ZNF804B: variants seen among roughly 807,000 people sequenced by gnomAD.
The protein encoded by ZNF804B is zinc finger 804B.
ZNF804B carries 80 observed loss-of-function variants against 101.4 expected under a neutral mutation model. The ratio of observed to expected loss-of-function variants is 0.79; its 90% CI spans 0.66 to 0.95. ZNF804B has a LOEUF of 0.95. Among genes scored for constraint, ZNF804B ranks in the 40% least tolerant of loss-of-function variants. The probability of loss-of-function intolerance (pLI) is 0.00; values close to 1 mark genes in which losing one functional copy is unlikely to be tolerated. For missense variants in ZNF804B, 1,673 were observed against 1,561.9 expected (o/e 1.07, Z -1.20); for synonymous variants, 622 against 558.8 (o/e 1.11, Z -1.59).
intron 1 of ZNF804B, among the ~76,000 whole-genome samples, chr7:88,943,859 G>T (rs1379171562): frequency 6.6e-6 from 1 of 151,718 alleles, no homozygotes; most frequent in Non-Finnish European, 1.5e-5. Context: ...AAAATTTAAA[G>T]GGCTGTGTAC....
chr7:89,239,520 T>A (rs1028161793), intron 2 of ZNF804B, among the ~76,000 whole-genome samples: 1 of 152,138 alleles, frequency 6.6e-6, no homozygotes. Flanking sequence ...ATACCTTAAA[T>A]GTATATCACT....
intron 1 of ZNF804B, among the ~76,000 whole-genome samples, chr7:89,207,840 C>CT (rs1788737559): frequency 6.6e-6 from 1 of 152,106 alleles, no homozygotes; most frequent in Non-Finnish European, 1.5e-5. Flanking sequence ...AACATAAACT[C>CT]TAGGTCAAGA....
At chr7:89,252,572 C>T (rs190463292) in intron 2 of ZNF804B, among the ~76,000 whole-genome samples, 5 of 152,276 alleles carry the variant, frequency 3.3e-5, no homozygotes, top group Admixed American at 6.5e-5. Context: ...ACCAAATAGA[C>T]ACATGCACCC....
intron 1 of ZNF804B, among the ~76,000 whole-genome samples, chr7:89,017,340 C>A (rs962197367): frequency 6.6e-6 from 1 of 152,162 alleles, no homozygotes; most frequent in Non-Finnish European, 1.5e-5. Flanking sequence ...CCTTCTCCTG[C>A]CTTACTGCCC....
chr7:89,220,047 A>ATATACATATATACGCACATATATGTGCG lies in ZNF804B; in HGVS notation c.249+1756_249+1757insCATATATACGCACATATATGTGCGTATA, dbSNP rs1788971411. Among the ~76,000 whole-genome samples, 2 of 38,762 alleles carry ATATACATATATACGCACATATATGTGCG rather than the reference A, an allele frequency of 5.2e-5. 1 individual carries two copies. Among genetic ancestry groups the ATATACATATATACGCACATATATGTGCG allele is most frequent in the African/African-American group, 2.4e-4 (2 of 8,450 alleles). The allele number at this position is 38,762 out of a possible 152,430, so 25.4% of individuals were successfully genotyped here. ...CATATATATACGCACATATATGTGC[A>ATATACATATATACGCACATATATGTGCG]TATATACATATATACGCACATATAT... On this transcript the variant is annotated intron_variant, in intron 2 of 3. Coordinates refer to ENST00000333190, the MANE Select transcript of ZNF804B (RefSeq NM_181646.5).
intron 1 of ZNF804B, among the ~76,000 whole-genome samples, chr7:89,143,383 C>A (rs553405808): frequency 6.6e-6 from 1 of 151,886 alleles, no homozygotes; most frequent in African/African-American, 2.4e-5. Flanking sequence ...TTTAGATGAG[C>A]TATGGGCTGT....
chr7:89,027,233 A>G (rs116512161), intron 1 of ZNF804B, among the ~76,000 whole-genome samples: 3,774 of 152,044 alleles, frequency 0.025, 163 homozygotes, highest in African/African-American at 0.086. Flanking sequence ...TAAATGCTGC[A>G]GAAAAAAAGC....
intron 1 of ZNF804B, among the ~76,000 whole-genome samples, chr7:88,896,438 G>T (rs949713257): frequency 3.9e-5 from 6 of 152,116 alleles, no homozygotes; most frequent in Admixed American, 2.6e-4. Context: ...TTGGGATATT[G>T]ATTACTTCTG....
intron 1 of ZNF804B, among the ~76,000 whole-genome samples, chr7:89,051,688 T>G (rs1197583872): frequency 6.6e-6 from 1 of 152,182 alleles, no homozygotes; most frequent in Non-Finnish European, 1.5e-5. Context: ...ATCTTTTAAT[T>G]TTTGAGTTTT....
intron 1 of ZNF804B, among the ~76,000 whole-genome samples, chr7:88,807,034 A>C (rs185151934): frequency 2.2e-4 from 33 of 152,242 alleles, no homozygotes; most frequent in Non-Finnish European, 4.1e-4. Flanking sequence ...CCTTCAAAAA[A>C]CTGTTTTCTT....
chr7:89,263,515 C>G (rs1164218390), intron 2 of ZNF804B, among the ~76,000 whole-genome samples: 1 of 151,624 alleles, frequency 6.6e-6, no homozygotes, highest in African/African-American at 2.4e-5. Flanking sequence ...GTATTCAAGT[C>G]TGCTATGTTG....
At chr7:88,956,050 G>A (rs989572381) in intron 1 of ZNF804B, among the ~76,000 whole-genome samples, 4 of 151,670 alleles carry the variant, frequency 2.6e-5, no homozygotes, top group African/African-American at 9.7e-5. Flanking sequence ...TCTTACTCCA[G>A]TAAGAATGGC....
At chr7:88,760,210 A>G in intron 1 of ZNF804B, 126 bp downstream of exon 1, 1 of 719,442 alleles carries the variant, frequency 1.4e-6, no homozygotes, top group Admixed American at 2.2e-5. Context: ...TACCTTATCC[A>G]TAGGTATGGA....
intron 1 of ZNF804B, among the ~76,000 whole-genome samples, chr7:89,128,054 C>A (rs1562891593): frequency 6.6e-6 from 1 of 151,722 alleles, no homozygotes. Flanking sequence ...CATAATTATG[C>A]AGCATAGTAT....
intron 1 of ZNF804B, among the ~76,000 whole-genome samples, chr7:88,840,895 T>G (rs1289228680): frequency 6.6e-6 from 1 of 152,172 alleles, no homozygotes; most frequent in African/African-American, 2.4e-5. Flanking sequence ...AATGCTTTCA[T>G]AAGTCCCAAA....
chr7:89,002,436 A>T (rs1034872743), intron 1 of ZNF804B, among the ~76,000 whole-genome samples: 1 of 151,838 alleles, frequency 6.6e-6, no homozygotes, highest in South Asian at 2.1e-4. Flanking sequence ...TTGAATATTG[A>T]CTATGTTTAG....
intron 1 of ZNF804B, among the ~76,000 whole-genome samples, chr7:88,926,930 G>C (rs1178193845): frequency 9.5e-6 from 1 of 104,978 alleles, no homozygotes; most frequent in African/African-American, 5.6e-5. Context: ...GATGTCTGCC[G>C]GGTGGTGGGG....
intron 1 of ZNF804B, among the ~76,000 whole-genome samples, chr7:89,186,305 A>C (rs1490645275): frequency 1.3e-5 from 2 of 152,132 alleles, no homozygotes; most frequent in Non-Finnish European, 2.9e-5. Context: ...AAATAAAATA[A>C]AATGGATGCA....
At chr7:89,215,699 C>T (rs1788881109) in intron 1 of ZNF804B, among the ~76,000 whole-genome samples, 3 of 151,258 alleles carry the variant, frequency 2.0e-5, no homozygotes, top group Middle Eastern at 3.4e-3. Context: ...CTGGCTAACA[C>T]GGTGAAATCC....
Sources: gnomAD v4.1 joint callset for allele counts (sites outside exome capture counted in the v4.1 genomes callset) on GRCh38, gnomAD v4.1.1 for gene constraint, MANE v1.5 for transcripts, NCBI Gene and HGNC (gene_info 2026-07-23, HGNC 2026-07-21) for gene names.